The following CPLANE1 variants were observed in gnomAD, a reference collection of about 807,000 sequenced individuals.
The protein encoded by CPLANE1 is ciliogenesis and planar polarity effector 1.
Under a neutral mutation model 362.5 loss-of-function variants are expected in CPLANE1, and 263 were observed. That is an observed-to-expected ratio of 0.73 (90% confidence interval 0.66 to 0.80). CPLANE1 has a LOEUF of 0.80. Ranked by LOEUF, CPLANE1 falls within the 30% of genes least tolerant of loss-of-function variation. CPLANE1 has a pLI of 0.00. For missense variants in CPLANE1, 3,461 were observed against 3,793.4 expected (o/e 0.91, Z 2.30); for synonymous variants, 1,212 against 1,302.6 (o/e 0.93, Z 1.50).
Position 37,213,511 on chromosome 5 carries a change from T to C in CPLANE1, c.2920+48A>G, listed in dbSNP as rs186798949. ...GTATAATATGTTTTAAATATTATAT[T>C]ATGTGCAATGCAAAAAAAGTTTAAA... On this transcript the variant is annotated intron_variant, in intron 16 of 52. Coordinates refer to ENST00000651892, the MANE Select transcript of CPLANE1 (RefSeq NM_001384732.1). 2,204 of 1,310,292 alleles carry C rather than the reference T, an allele frequency of 1.7e-3. 7 individuals carry two copies. The highest frequency in any genetic ancestry group is 1.4e-3 in the Non-Finnish European group (1,372 of 962,878). 81.2% of individuals were successfully genotyped at this position (1,310,292 alleles called of 1,614,324 possible). A position where few individuals can be genotyped will look rare whatever the true frequency, so the allele number is the denominator to read the frequency against.
intron 9 of CPLANE1, among the ~76,000 whole-genome samples, chr5:37,229,621 AGATT>A (rs1235133529): frequency 6.6e-6 from 1 of 152,170 alleles, no homozygotes; most frequent in Admixed American, 6.5e-5. Context: ...CAAACGGAAT[AGATT>A]AATTTCAAAT....
chr5:37,218,909 T>C (rs916816070), intron 15 of CPLANE1, among the ~76,000 whole-genome samples: 3 of 151,188 alleles, frequency 2.0e-5, no homozygotes, highest in Admixed American at 6.6e-5. Flanking sequence ...GATAGTGCCA[T>C]TGCACACTAG....
rs1222449682 is a variant in CPLANE1 at position 37,106,854 on chromosome 5, T to TA, written c.*747dup. The stretch of plus-strand genomic sequence containing the variant: ...GATACTGGTTCTTAGTCAATTCTCA[T>TA]AAAAATTATCTCTTAAAACTATGAC... On this transcript the variant is annotated 3_prime_UTR_variant, in exon 53 of 53. Coordinates refer to ENST00000651892, the MANE Select transcript of CPLANE1 (RefSeq NM_001384732.1). 1 of 984,402 alleles carries TA rather than the reference T, an allele frequency of 1.0e-6. No homozygotes were observed. Among genetic ancestry groups the TA allele is most frequent in the Non-Finnish European group, 1.2e-6 (1 of 829,100 alleles). The allele number at this position is 984,402 out of a possible 1,614,324, so 61.0% of individuals were successfully genotyped here. A position where few individuals can be genotyped will look rare whatever the true frequency, so the allele number is the denominator to read the frequency against.
chr5:37,186,365 G>A lies in CPLANE1; in HGVS notation c.4110C>T (p.Pro1370=). Residue 1370 remains proline (P), a synonymous_variant, in exon 24 of 53, where the codon CCC becomes CCT. Coordinates refer to ENST00000651892, the MANE Select transcript of CPLANE1 (RefSeq NM_001384732.1). Reference sequence around the variant, plus strand: ...AAGGAACCCTCACGTCCTCAGGATAGGGAAATGCTTTCACGAAAATTTCTG... The same window carrying A: ...AAGGAACCCTCACGTCCTCAGGATAAGGAAATGCTTTCACGAAAATTTCTG... The part of the protein sequence containing the change: ...KVAEIFVKAF[P]YPEDVRVPLR... The A allele has an allele frequency of 1.2e-6, 2 of 1,600,616 alleles. No homozygotes were observed. Among genetic ancestry groups the A allele is most frequent in the Non-Finnish European group, 1.7e-6 (2 of 1,169,108 alleles).
intron 47 of CPLANE1, among the ~76,000 whole-genome samples, chr5:37,124,537 G>C (rs958683392): frequency 2.6e-5 from 4 of 151,850 alleles, no homozygotes; most frequent in East Asian, 1.9e-4. Flanking sequence ...AAAATTGAAG[G>C]GTTTTTTATT....
intron 50 of CPLANE1, among the ~76,000 whole-genome samples, chr5:37,115,344 G>C (rs993463783): frequency 6.6e-6 from 1 of 152,264 alleles, no homozygotes; most frequent in South Asian, 2.1e-4. Flanking sequence ...AAAAGCTAGG[G>C]ACATAATAAG....
chr5:37,195,705 A>G (rs1203575098), intron 21 of CPLANE1, among the ~76,000 whole-genome samples, 153 bp downstream of exon 21: 3 of 152,228 alleles, frequency 2.0e-5, no homozygotes, highest in Non-Finnish European at 4.4e-5. Context: ...TATATCATAT[A>G]TATATACATA....
At chr5:37,115,597 C>CTTTTTTTTTT (rs202050168) in intron 50 of CPLANE1, among the ~76,000 whole-genome samples, 1 of 124,668 alleles carries the variant, frequency 8.0e-6, no homozygotes, top group African/African-American at 3.1e-5. Flanking sequence ...ACTTTTATTT[C>CTTTTTTTTTT]TTTTTTTTTT....
chr5:37,140,501 C>A, intron 44 of CPLANE1: 4 of 983,658 alleles, frequency 4.1e-6, no homozygotes, highest in Non-Finnish European at 4.8e-6. Context: ...TAGTTCTACC[C>A]CTTATAGCTT....
intron 16 of CPLANE1, among the ~76,000 whole-genome samples, chr5:37,206,832 C>T (rs958142248): frequency 2.6e-5 from 4 of 151,732 alleles, no homozygotes; most frequent in Admixed American, 6.6e-5. Context: ...TCACAATGTG[C>T]AATTTATTAC....
intron 14 of CPLANE1, among the ~76,000 whole-genome samples, chr5:37,223,035 A>G (rs1188259056): frequency 6.6e-6 from 1 of 152,180 alleles, no homozygotes; most frequent in African/African-American, 2.4e-5. Context: ...TTAATTCCTT[A>G]CCACTCCATT....
At chr5:37,156,045 C>A (rs1775007122) in intron 41 of CPLANE1, among the ~76,000 whole-genome samples, 1 of 152,202 alleles carries the variant, frequency 6.6e-6, no homozygotes, top group Non-Finnish European at 1.5e-5. Context: ...TTTGTATATG[C>A]AGCTGTTAAT....
rs1019343222 is a variant in CPLANE1, at chr5:37,209,638, C to A, written c.2921-3213G>T. On this transcript the variant is annotated intron_variant, in intron 16 of 52. Transcript: ENST00000651892. This position sits in a 1 kb window ranked among gnomAD's most constrained non-coding sequence, Gnocchi z 4.6. ...AGATGTGGCTGTGAATATTCACTTT[C>A]TGTTTTCTTTCTAGAAAGTGGTTTG... The A allele has an allele frequency of 1.4e-6, 2 of 1,427,568 alleles. No homozygotes were observed. Among genetic ancestry groups the A allele is most frequent in the Non-Finnish European group, 2.0e-6 (2 of 1,012,024 alleles). 88.4% of individuals were successfully genotyped at this position (1,427,568 alleles called of 1,614,324 possible).
the CPLANE1 span, among the ~76,000 whole-genome samples, chr5:37,078,385 T>C: frequency 2.9e-4 from 44 of 152,354 alleles, no homozygotes; most frequent in Admixed American, 4.6e-4. Context: ...CTTGTTCTTT[T>C]TTATGGCTGC....
chr5:37,122,166 C>T (rs1762844677), intron 48 of CPLANE1, among the ~76,000 whole-genome samples: 1 of 152,012 alleles, frequency 6.6e-6, no homozygotes, highest in Admixed American at 6.6e-5. Flanking sequence ...GAGTATTTCC[C>T]AAATGCATGT....
intron 19 of CPLANE1, among the ~76,000 whole-genome samples, 184 bp from the exon 20 acceptor site, chr5:37,199,050 T>C (rs1788400918): frequency 2.7e-5 from 4 of 147,178 alleles, no homozygotes; most frequent in South Asian, 2.1e-4. Flanking sequence ...TGAGCCATGA[T>C]TGCATCACTG....
chr5:37,245,025 G>A (rs1396644316), intron 4 of CPLANE1, among the ~76,000 whole-genome samples: 4 of 151,748 alleles, frequency 2.6e-5, no homozygotes, highest in Admixed American at 2.0e-4. Flanking sequence ...GGTGGCTGGC[G>A]CCTGTAGTCC....
At chr5:37,174,780 T>C (rs1457550696) in intron 31 of CPLANE1, among the ~76,000 whole-genome samples, 2 of 152,242 alleles carry the variant, frequency 1.3e-5, no homozygotes, top group African/African-American at 4.8e-5. Context: ...ATTTGCCTTT[T>C]ATCGAGCATC....
chr5:37,207,995 CCAAGCTGGAGTGTAAT>C (rs763493594), intron 16 of CPLANE1, among the ~76,000 whole-genome samples: 5 of 152,012 alleles, frequency 3.3e-5, no homozygotes, highest in Non-Finnish European at 5.9e-5. Flanking sequence ...GCTCTGTCAT[CCAAGCTGGAGTGTAAT>C]CACGTGATCT....
Sources: allele counts gnomAD v4.1 joint callset (sites outside exome capture counted in the v4.1 genomes callset), GRCh38; gene constraint gnomAD v4.1.1; non-coding constraint Gnocchi (gnomAD v3.1); transcripts MANE v1.5; gene names NCBI Gene and HGNC (gene_info 2026-07-23, HGNC 2026-07-21).